The following FAM151B variants were observed in gnomAD, a reference collection of about 807,000 sequenced individuals.
FAM151B encodes the protein family with sequence similarity 151 member B.
A neutral mutation model predicts 31.2 loss-of-function variants in FAM151B; 24 were observed. That is an observed-to-expected ratio of 0.77 (90% CI 0.56 to 1.08). FAM151B has a LOEUF of 1.08. Ranked by LOEUF, FAM151B falls within the 50% of genes least tolerant of loss-of-function variation. The pLI is 0.00. For synonymous variants in FAM151B, 105 were observed against 111.4 expected, an observed-to-expected ratio of 0.94 and a Z score of 0.36; for missense variants, 293 against 328.6, an observed-to-expected ratio of 0.89 and a Z score of 0.84.
intron 1 of FAM151B, among the ~76,000 whole-genome samples, chr5:80,497,868 A>G (rs962546588): frequency 4.3e-4 from 65 of 152,254 alleles, no homozygotes; most frequent in African/African-American, 1.5e-3. Flanking sequence ...GGTGCAGCAC[A>G]CCAACATGGC....
At chr5:80,533,440 G>A (rs1419062506) in intron 5 of FAM151B, among the ~76,000 whole-genome samples, 1 of 150,612 alleles carries the variant, frequency 6.6e-6, no homozygotes, top group South Asian at 2.1e-4. Context: ...CCCAAAATTA[G>A]TAGAAGAAAA....
At chr5:80,539,491 T>C (rs575004029) in intron 5 of FAM151B, among the ~76,000 whole-genome samples, 5 of 152,168 alleles carry the variant, frequency 3.3e-5, no homozygotes, top group Non-Finnish European at 7.3e-5. Context: ...GTTTTGTTCT[T>C]GTTTTTGTTT....
chr5:80,515,296 A>G lies in FAM151B; in HGVS notation c.317+1527A>G, dbSNP rs75384681. ...AAATCATAAACTTTTTGAGTTATCA[A>G]TGGTTCAATTTCATTTTATTGACAA... On this transcript the variant is annotated intron_variant, in intron 3 of 5. Coordinates refer to ENST00000282226, the MANE Select transcript of FAM151B (RefSeq NM_205548.3). 7.1e-3 allele frequency among the ~76,000 whole-genome samples: 1,077 copies of G among 152,262 alleles called. 17 individuals are homozygous for G. The highest frequency in any genetic ancestry group is 0.024 in the African/African-American group (1,006 of 41,554).
intron 4 of FAM151B, among the ~76,000 whole-genome samples, chr5:80,521,144 A>ATTTTTTTTTG (rs1744693743): frequency 1.0e-5 from 1 of 99,160 alleles, no homozygotes. Flanking sequence ...TTTTTTTTAA[A>ATTTTTTTTTG]AAACAGGGTC....
intron 1 of FAM151B, among the ~76,000 whole-genome samples, chr5:80,497,086 CAGGCGTG>C (rs1743575529): frequency 6.6e-6 from 1 of 151,916 alleles, no homozygotes; most frequent in African/African-American, 2.4e-5. Context: ...GCTGGGATTA[CAGGCGTG>C]AGCCACCATG....
intron 5 of FAM151B, among the ~76,000 whole-genome samples, chr5:80,526,032 C>T (rs1258348047): frequency 6.6e-6 from 1 of 152,044 alleles, no homozygotes; most frequent in African/African-American, 2.4e-5. Flanking sequence ...AGTCATCCCT[C>T]AGTATACGTG....
rs553162963 is a variant in FAM151B at position 80,523,738 on chromosome 5, T to C, written c.671+1600T>C. On this transcript the variant is annotated intron_variant, in intron 5 of 5. Transcript: ENST00000282226. The stretch of plus-strand genomic sequence containing the variant: ...ATGCAGAATGATAGGTATAGTATGA[T>C]TCCATTTGCATGTGGGAAAATTGAT... 5.3e-5 allele frequency among the ~76,000 whole-genome samples: 8 copies of C among 152,312 alleles called. No individual in the cohort carries two copies. The South Asian group carries it at 6.2e-4, about 12-fold the overall frequency.
intron 3 of FAM151B, among the ~76,000 whole-genome samples, chr5:80,519,337 C>T (rs1744599858): frequency 6.6e-6 from 1 of 152,120 alleles, no homozygotes; most frequent in Admixed American, 6.6e-5. Flanking sequence ...TTTCATTTAT[C>T]TTATTTATAC....
chr5:80,538,318 C>T (rs182903116), intron 5 of FAM151B, among the ~76,000 whole-genome samples: 92 of 152,096 alleles, frequency 6.0e-4, no homozygotes, highest in African/African-American at 2.2e-3. Context: ...CCACCTGCTT[C>T]GGCCTCCCAA....
rs147023935 is a variant in FAM151B, at chr5:80,520,995, T to C, written c.536-1008T>C. On this transcript the variant is annotated intron_variant, in intron 4 of 5. Coordinates refer to ENST00000282226, the MANE Select transcript of FAM151B (RefSeq NM_205548.3). ...GCCCAGCTAATTTTTGTATTGTTTTTTAGTAGAGATGGGGTTTCACCATGT... is the reference window on the plus strand; with the variant it reads ...GCCCAGCTAATTTTTGTATTGTTTTCTAGTAGAGATGGGGTTTCACCATGT... Among the ~76,000 whole-genome samples, 122 of 151,270 alleles carry C rather than the reference T, an allele frequency of 8.1e-4. 2 individuals are homozygous for C. The East Asian group carries it at 0.023, about 28-fold the overall frequency.
intron 5 of FAM151B, among the ~76,000 whole-genome samples, chr5:80,536,141 TTTTAGTTTAG>T (rs113261883): frequency 6.6e-6 from 1 of 151,274 alleles, no homozygotes; most frequent in Non-Finnish European, 1.5e-5. Flanking sequence ...GGTACGAGGG[TTTTAGTTTAG>T]TTTAGTTTAG....
At chr5:80,540,363 A>C (rs930833642) in intron 5 of FAM151B, among the ~76,000 whole-genome samples, 1 of 152,088 alleles carries the variant, frequency 6.6e-6, no homozygotes, top group Non-Finnish European at 1.5e-5. Flanking sequence ...ATTACACTGG[A>C]GTTTACTTTG....
In FAM151B at chr5:80,500,591, A is replaced by G; in HGVS notation, c.26-1201A>G. The G allele has an allele frequency of 5.3e-6, 4 of 757,496 alleles. No homozygotes were observed. In the South Asian group the frequency reaches 5.4e-5, roughly 10 times the overall value. 46.9% of individuals were successfully genotyped at this position (757,496 alleles called of 1,614,324 possible). A position where few individuals can be genotyped will look rare whatever the true frequency, so the allele number is the denominator to read the frequency against. On this transcript the variant is annotated intron_variant, in intron 1 of 5. Coordinates refer to ENST00000282226, the MANE Select transcript of FAM151B (RefSeq NM_205548.3). ...CAACTTCTGTGTACCTGCAGAACCC[A>G]AAATGGCATTTGTCCTCAGGATCAG...
At chr5:80,505,685 C>T (rs961962332) in intron 2 of FAM151B, among the ~76,000 whole-genome samples, 3 of 151,774 alleles carry the variant, frequency 2.0e-5, no homozygotes, top group African/African-American at 4.8e-5. Context: ...TGAGCCACCG[C>T]ACCCAGCCAC....
intron 5 of FAM151B, among the ~76,000 whole-genome samples, chr5:80,529,691 G>T (rs1357658855): frequency 6.6e-6 from 1 of 152,250 alleles, no homozygotes; most frequent in South Asian, 2.1e-4. Context: ...AAACCAGGAA[G>T]AAGTTGAATC....
chr5:80,521,324 C>T (rs182667011), intron 4 of FAM151B, among the ~76,000 whole-genome samples: 2 of 151,536 alleles, frequency 1.3e-5, no homozygotes, highest in East Asian at 3.9e-4. Flanking sequence ...TGAAGTCTCA[C>T]TAAGTTGCCC....
At chr5:80,509,741 A>G (rs1744112879) in intron 2 of FAM151B, among the ~76,000 whole-genome samples, 1 of 152,218 alleles carries the variant, frequency 6.6e-6, no homozygotes, top group Non-Finnish European at 1.5e-5. Flanking sequence ...TATTTAGCTT[A>G]GCTCTTTCTT....
chr5:80,538,573 C>CTT, intron 5 of FAM151B, among the ~76,000 whole-genome samples: 5 of 127,488 alleles, frequency 3.9e-5, no homozygotes, highest in Admixed American at 8.2e-5. Flanking sequence ...TCCTTCCTTC[C>CTT]CTCCCTTCCT....
intron 5 of FAM151B, among the ~76,000 whole-genome samples, chr5:80,530,012 C>T (rs1745161760): frequency 7.9e-6 from 1 of 126,996 alleles, no homozygotes; most frequent in South Asian, 2.3e-4. Context: ...CCAAATCCAA[C>T]AGCACATCAA....
Sources: allele counts gnomAD v4.1 joint callset (sites outside exome capture counted in the v4.1 genomes callset), GRCh38; gene constraint gnomAD v4.1.1; transcripts MANE v1.5; gene names NCBI Gene and HGNC (gene_info 2026-07-23, HGNC 2026-07-21).